The following SDK1 variants were observed in gnomAD, a reference collection of about 807,000 sequenced individuals.
The protein encoded by SDK1 is protein sidekick-1.
A neutral mutation model predicts 245.5 loss-of-function variants in SDK1; 157 were observed. The ratio of observed to expected loss-of-function variants is 0.64; its 90% confidence interval spans 0.56 to 0.73. SDK1 has a LOEUF of 0.73. Ranked by LOEUF, SDK1 falls within the 30% of genes least tolerant of loss-of-function variation. The pLI, the probability that SDK1 is intolerant of heterozygous loss-of-function variation, is 0.00. For synonymous variants in SDK1, 1,647 were observed against 1,278.5 expected, an observed-to-expected ratio of 1.29 and a Z score of -6.15; for missense variants, 3,583 against 3,002.3, an observed-to-expected ratio of 1.19 and a Z score of -4.52.
chr7:3,983,846 A>G (rs921241879), intron 13 of SDK1, among the ~76,000 whole-genome samples: 1 of 152,066 alleles, frequency 6.6e-6, no homozygotes, highest in Non-Finnish European at 1.5e-5. Context: ...GGGCCATCAC[A>G]CTGAGTGTGA....
chr7:3,332,554 A>G (rs942436260), intron 1 of SDK1, among the ~76,000 whole-genome samples: 5 of 152,324 alleles, frequency 3.3e-5, no homozygotes, highest in Admixed American at 3.3e-4. Flanking sequence ...TCTATTTGGA[A>G]AAACAACTTT....
At chr7:4,241,697 G>A (rs1562472137) in intron 42 of SDK1, 96 bp from the exon 43 acceptor site, 4 of 1,494,096 alleles carry the variant, frequency 2.7e-6, no homozygotes, top group East Asian at 4.6e-5. Context: ...CGTGCAGCAG[G>A]ACTCAGGAGC....
chr7:3,483,708 C>G (rs1013436990), intron 1 of SDK1, among the ~76,000 whole-genome samples: 1 of 151,996 alleles, frequency 6.6e-6, no homozygotes, highest in Non-Finnish European at 1.5e-5. Context: ...TCAGAATTTG[C>G]TAAGCATTTT....
chr7:3,992,691 T>C (rs910781680), intron 14 of SDK1, among the ~76,000 whole-genome samples: 1 of 152,166 alleles, frequency 6.6e-6, no homozygotes, highest in Non-Finnish European at 1.5e-5. Context: ...CAGGTAAGAA[T>C]TGTGAAAGAC....
At chr7:3,466,249 C>T (rs1361994587) in intron 1 of SDK1, among the ~76,000 whole-genome samples, 1 of 151,598 alleles carries the variant, frequency 6.6e-6, no homozygotes, top group Non-Finnish European at 1.5e-5. Context: ...GCTTTATATG[C>T]TAGTTCTGGG....
At position 3,499,560 on chromosome 7, in the gene SDK1, G is replaced by C. The variant is rs534254003; in HGVS notation, c.299-119520G>C. ...CCTCAGAGGTAAACACGTCAGGTTTGCTAGCTCTTCTTTATGGACTAACCA... is the reference window on the plus strand; with the variant it reads ...CCTCAGAGGTAAACACGTCAGGTTTCCTAGCTCTTCTTTATGGACTAACCA... On this transcript the variant is annotated intron_variant, in intron 1 of 44. Transcript: ENST00000404826. Among the ~76,000 whole-genome samples, 42 of 152,306 alleles carry C rather than the reference G, an allele frequency of 2.8e-4. 1 individual carries two copies. The South Asian group carries it at 8.1e-3, about 29-fold the overall frequency.
intron 1 of SDK1, among the ~76,000 whole-genome samples, chr7:3,520,944 G>A (rs1782918373): frequency 6.6e-6 from 1 of 152,168 alleles, no homozygotes. Context: ...CATAAGTCTA[G>A]GTAAGGTATG....
chr7:3,332,105 T>A (rs1780083359), intron 1 of SDK1, among the ~76,000 whole-genome samples: 1 of 152,220 alleles, frequency 6.6e-6, no homozygotes, highest in Non-Finnish European at 1.5e-5. Context: ...ATTATTTTCT[T>A]AAAAGTTAAT....
intron 1 of SDK1, among the ~76,000 whole-genome samples, chr7:3,415,799 T>G (rs982941268): frequency 1.3e-5 from 2 of 152,070 alleles, no homozygotes; most frequent in African/African-American, 4.8e-5. Flanking sequence ...CTATGTTTTC[T>G]TCACCAATTT....
In SDK1 at chr7:3,429,110, T is replaced by C. The variant is rs1439009949; in HGVS notation, c.298+127226T>C. Among the ~76,000 whole-genome samples, 5 of 152,288 alleles carry C rather than the reference T, an allele frequency of 3.3e-5. No individual in the cohort carries two copies. The East Asian group carries it at 7.7e-4, about 23-fold the overall frequency. On this transcript the variant is annotated intron_variant, in intron 1 of 44. Transcript: ENST00000404826. ...TGAAAGTTGTAAGATACAATCCAGC[T>C]TCTGCAATAATGAGAAGGCTCAGTT...
rs1040434834 is a variant in SDK1, at chr7:3,601,297, A to G, written c.299-17783A>G. 7.9e-5 allele frequency among the ~76,000 whole-genome samples: 12 copies of G among 152,266 alleles called. No individual in the cohort carries two copies. In the South Asian group the frequency reaches 2.1e-3, roughly 26 times the overall value. On this transcript the variant is annotated intron_variant, in intron 1 of 44. Transcript: ENST00000404826. ...GACAAAATTATGTACATTGGTGTTGATTCTTCTTTAAATGTTTGGTAGAAT... is the reference window on the plus strand; with the variant it reads ...GACAAAATTATGTACATTGGTGTTGGTTCTTCTTTAAATGTTTGGTAGAAT...
intron 23 of SDK1, 43 bp downstream of exon 23, chr7:4,110,815 C>G (rs766892825): frequency 7.2e-7 from 1 of 1,392,000 alleles, no homozygotes; most frequent in Non-Finnish European, 1.0e-6. Flanking sequence ...GAAACACTGG[C>G]AGCCCAGGCA....
intron 22 of SDK1, among the ~76,000 whole-genome samples, chr7:4,101,037 G>A (rs554377432): frequency 6.6e-6 from 1 of 152,316 alleles, no homozygotes; most frequent in East Asian, 1.9e-4. Context: ...CTTTAGGCCA[G>A]TGCTCTCCGC....
intron 19 of SDK1, among the ~76,000 whole-genome samples, chr7:4,063,620 C>T (rs778504659): frequency 1.2e-4 from 17 of 140,218 alleles, no homozygotes; most frequent in Non-Finnish European, 1.7e-4. Flanking sequence ...CAAAAAACCC[C>T]GTAAATTCTT....
At chr7:3,620,738 C>T (rs534542123) in intron 2 of SDK1, among the ~76,000 whole-genome samples, 2 of 152,216 alleles carry the variant, frequency 1.3e-5, no homozygotes, top group Admixed American at 6.5e-5. Context: ...CAGAGCTGCC[C>T]CCATCAAAGG....
intron 4 of SDK1, among the ~76,000 whole-genome samples, chr7:3,654,545 A>C (rs1218620156): frequency 6.6e-6 from 1 of 152,190 alleles, no homozygotes; most frequent in Non-Finnish European, 1.5e-5. Context: ...AGTAAGTTTG[A>C]CATCTACACC....
At chr7:3,532,625 G>T (rs573848501) in intron 1 of SDK1, among the ~76,000 whole-genome samples, 7 of 152,254 alleles carry the variant, frequency 4.6e-5, no homozygotes, top group African/African-American at 1.7e-4. Flanking sequence ...GTTAACTCCA[G>T]GTCATTATTA....
chr7:4,208,292 G>A lies in SDK1; in HGVS notation c.5401+7G>A. 1 of 1,611,334 alleles carries A rather than the reference G, an allele frequency of 6.2e-7. No homozygotes were observed. Among genetic ancestry groups the A allele is most frequent in the Non-Finnish European group, 8.5e-7 (1 of 1,179,256 alleles). On this transcript the variant is annotated splice_region_variant and intron_variant, in intron 37 of 44. Coordinates refer to ENST00000404826, the MANE Select transcript of SDK1 (RefSeq NM_152744.4). ...GGGCGCACCCACCAGGCCGGTAGGA[G>A]GAAGGCGGGTTTCCTTTGGGCAGGC... is the stretch of plus-strand genomic sequence containing the variant.
chr7:3,700,638 C>G (rs1263563283), intron 4 of SDK1, among the ~76,000 whole-genome samples: 1 of 152,012 alleles, frequency 6.6e-6, no homozygotes, highest in Non-Finnish European at 1.5e-5. Context: ...ATCAGGGAAA[C>G]AAGAAAACAG....
Sources: gnomAD v4.1 joint callset for allele counts (sites outside exome capture counted in the v4.1 genomes callset) on GRCh38, gnomAD v4.1.1 for gene constraint, MANE v1.5 for transcripts, NCBI Gene and HGNC (gene_info 2026-07-23, HGNC 2026-07-21) for gene names.